The following MIGA2 variants were observed in gnomAD, a reference collection of about 807,000 sequenced individuals.
The protein encoded by MIGA2 is family with sequence similarity 73, member B.
Under a neutral mutation model 69.9 loss-of-function variants are expected in MIGA2, and 36 were observed. That is an observed-to-expected ratio of 0.52 (90% confidence interval 0.39 to 0.68). The LOEUF (loss-of-function observed/expected upper bound fraction) is 0.68. MIGA2 is among the 30% of genes least tolerant of loss of function. The pLI is 0.00. For missense variants in MIGA2, 660 were observed against 787.7 expected (o/e 0.84, Z 1.94); for synonymous variants, 333 against 349.2 (o/e 0.95, Z 0.52).
chr9:129,041,985 C>A, intron 2 of MIGA2: 1 of 313,258 alleles, frequency 3.2e-6, no homozygotes, highest in Non-Finnish European at 6.2e-6. Flanking sequence ...ATGGGTACCC[C>A]AGGCTAGGTC....
At chr9:129,063,759 A>G in intron 11 of MIGA2, 128 bp downstream of exon 11, 1 of 821,554 alleles carries the variant, frequency 1.2e-6, no homozygotes, top group Non-Finnish European at 1.9e-6. Context: ...CGTTCTGTAG[A>G]CTCTGCAACC....
chr9:129,059,026 A>G lies in MIGA2; in HGVS notation c.676-128A>G. ...CCTCTATCGAGCAGTGAAGTTTTGG[A>G]GTTTATGTGCTTAGCTGCTGGGTCC... is the stretch of plus-strand genomic sequence containing the variant. On this transcript the variant is annotated intron_variant, in intron 6 of 15. Coordinates refer to ENST00000684074, the MANE Select transcript of MIGA2 (RefSeq NM_001329990.2). This position sits in a 1 kb window ranked among gnomAD's most constrained non-coding sequence, Gnocchi z 5.6. 1.4e-6 allele frequency: 1 copy of G among 727,718 alleles called. No homozygotes were observed. Among genetic ancestry groups the G allele is most frequent in the Non-Finnish European group, 2.3e-6 (1 of 433,752 alleles). 45.1% of individuals were successfully genotyped at this position (727,718 alleles called of 1,614,324 possible). A position where few individuals can be genotyped will look rare whatever the true frequency, so the allele number is the denominator to read the frequency against.
chr9:129,042,470 C>G lies in MIGA2; in HGVS notation c.263C>G (p.Pro88Arg). Residue 88 changes from proline (P) to arginine (R), a missense_variant, in exon 3 of 16, where the codon CCC (proline) becomes CGC (arginine). Physicochemically the swap from Pro to Arg is moderately radical, Grantham distance 103 (BLOSUM62 -2). Around this residue, in one of 3 missense-constraint regions of MIGA2, gnomAD observed 386 missense variants for 402.0 expected, o/e 0.96. Transcript: ENST00000684074. ...EMGGEQLGTV[P>R]LPILLARKVP... ...GGAGGGGAGCAGCTGGGCACGGTGC[C>G]CCTCCCTATCCTCTTGGCCAGGAAG... 2 of 1,601,292 alleles carry G rather than the reference C, an allele frequency of 1.2e-6. No homozygotes were observed. The highest frequency in any genetic ancestry group is 1.7e-6 in the Non-Finnish European group (2 of 1,174,670).
chr9:129,042,650 C>T (rs1250618962), intron 3 of MIGA2, 136 bp downstream of exon 3: 16 of 897,142 alleles, frequency 1.8e-5, no homozygotes, highest in East Asian at 5.3e-5. Flanking sequence ...GATCTGTGAG[C>T]GGGATGACAG....
intron 6 of MIGA2, among the ~76,000 whole-genome samples, chr9:129,050,364 T>C (rs1845457275): frequency 6.6e-6 from 1 of 152,198 alleles, no homozygotes; most frequent in Non-Finnish European, 1.5e-5. Flanking sequence ...AACCTTCACC[T>C]GCCAGGTTCA....
At chr9:129,043,622 A>G (rs1047228993) in intron 3 of MIGA2, among the ~76,000 whole-genome samples, 1 of 151,552 alleles carries the variant, frequency 6.6e-6, no homozygotes, top group Non-Finnish European at 1.5e-5. Context: ...CCTGAGCTCA[A>G]GTGATCCGCC....
rs372928477 is a variant in MIGA2, at chr9:129,063,227, G to T, written c.1011-17G>T. On this transcript the variant is annotated splice_polypyrimidine_tract_variant and intron_variant, in intron 9 of 15. Coordinates refer to ENST00000684074, the MANE Select transcript of MIGA2 (RefSeq NM_001329990.2). ...GGCAGGGACCAGGTTGTGTGACGCC[G>T]TCTGTCCTCCCCTCAGGACGGAGCT... The T allele has an allele frequency of 6.2e-7, 1 of 1,613,780 alleles. No individual in the cohort carries two copies. The highest frequency in any genetic ancestry group is 8.5e-7 in the Non-Finnish European group (1 of 1,179,884).
intron 9 of MIGA2, 71 bp from the exon 10 acceptor site, chr9:129,063,173 G>T: frequency 6.5e-7 from 1 of 1,536,520 alleles, no homozygotes; most frequent in Non-Finnish European, 9.0e-7. Flanking sequence ...CCCCACCCAG[G>T]TGCCACCTGA....
chr9:129,065,369 A>G (rs1846289235), intron 11 of MIGA2, among the ~76,000 whole-genome samples: 1 of 151,422 alleles, frequency 6.6e-6, no homozygotes, highest in East Asian at 1.9e-4. Context: ...TTTTTGAGAC[A>G]GAGACTTGCC....
At chr9:129,063,520 C>G in intron 10 of MIGA2, 25 bp from the exon 11 acceptor site, 1 of 1,612,944 alleles carries the variant, frequency 6.2e-7, no homozygotes, top group Non-Finnish European at 8.5e-7. Flanking sequence ...CGGCAGCTCA[C>G]TCCCCTCCCT....
In MIGA2 at chr9:129,071,219, A is replaced by T. The variant is rs1460954179; in HGVS notation, c.*766A>T. On this transcript the variant is annotated 3_prime_UTR_variant, in exon 16 of 16. Coordinates refer to ENST00000684074, the MANE Select transcript of MIGA2 (RefSeq NM_001329990.2). ...GCTAGGCTCTGAGCTGGGGGCTCAG[A>T]CCAGGGATCGCTCAGGCCCCTGTCA... 6.6e-6 allele frequency: 1 copy of T among 152,322 alleles called. No homozygotes were observed. The highest frequency in any genetic ancestry group is 1.5e-5 in the Non-Finnish European group (1 of 68,128). 9.4% of individuals were successfully genotyped at this position (152,322 alleles called of 1,614,324 possible).
Position 129,061,373 on chromosome 9 carries a change from AGG to A in MIGA2, c.1010+29_1010+30del. 1 of 557,110 alleles carries A rather than the reference AGG, an allele frequency of 1.8e-6. No individual in the cohort carries two copies. Among genetic ancestry groups the A allele is most frequent in the Non-Finnish European group, 3.5e-6 (1 of 284,930 alleles). 34.5% of individuals were successfully genotyped at this position (557,110 alleles called of 1,614,324 possible). A position where few individuals can be genotyped will look rare whatever the true frequency, so the allele number is the denominator to read the frequency against. On this transcript the variant is annotated intron_variant, in intron 9 of 15. Transcript: ENST00000684074. The surrounding 1 kb of genome is among the most constrained non-coding windows in gnomAD (Gnocchi z 5.0). ...TGAGCAGGTGTGGAGGGAGGGAGGGAGGGAGCAGGAGGCGATGGGTGATTCTG... is the reference window on the plus strand; with the variant it reads ...TGAGCAGGTGTGGAGGGAGGGAGGGAGAGCAGGAGGCGATGGGTGATTCTG...
Position 129,071,532 on chromosome 9 carries a change from C to A in MIGA2, c.*1079C>A, listed in dbSNP as rs1441851114. On this transcript the variant is annotated 3_prime_UTR_variant, in exon 16 of 16. Transcript: ENST00000684074. ...GCGTTCTGCTGTGGCTCTGCCCTTT[C>A]CAGGTTGAGAGGCCTGCAGGAGAAA... 6.6e-6 allele frequency: 1 copy of A among 152,210 alleles called. No homozygotes were observed. The highest frequency in any genetic ancestry group is 1.5e-5 in the Non-Finnish European group (1 of 68,068). The allele number at this position is 152,210 out of a possible 1,614,324, so 9.4% of individuals were successfully genotyped here. A position where few individuals can be genotyped will look rare whatever the true frequency, so the allele number is the denominator to read the frequency against.
intron 6 of MIGA2, chr9:129,051,280 A>ATT (rs200508456): frequency 4.0e-5 from 7 of 174,764 alleles, no homozygotes; most frequent in African/African-American, 8.1e-5. Flanking sequence ...TTATTTATTT[A>ATT]TTTATTTTTT....
At position 129,070,471 on chromosome 9, in the gene MIGA2, G is replaced by A. The variant is rs1343667207; in HGVS notation, c.*18G>A. The A allele has an allele frequency of 4.6e-6, 7 of 1,516,782 alleles. No homozygotes were observed. Among genetic ancestry groups the A allele is most frequent in the Non-Finnish European group, 6.2e-6 (7 of 1,130,400 alleles). The allele number at this position is 1,516,782 out of a possible 1,614,324, so 94.0% of individuals were successfully genotyped here. ...TGCAGTAGAGGCGGCACGGGCTGGG[G>A]GGTGGCAGAGAGAAGGCTCCTCCTC... On this transcript the variant is annotated 3_prime_UTR_variant, in exon 16 of 16. Coordinates refer to ENST00000684074, the MANE Select transcript of MIGA2 (RefSeq NM_001329990.2).
At chr9:129,042,538 G>T in intron 3 of MIGA2, 24 bp downstream of exon 3, 1 of 1,541,732 alleles carries the variant, frequency 6.5e-7, no homozygotes. Flanking sequence ...GGTGGGCATA[G>T]GCCTGACCTG....
intron 1 of MIGA2, among the ~76,000 whole-genome samples, chr9:129,037,565 G>A (rs543794951): frequency 2.0e-4 from 30 of 152,246 alleles, no homozygotes; most frequent in African/African-American, 7.2e-4. Flanking sequence ...TGGGTTGACT[G>A]GATTTGGATC....
At chr9:129,038,789 CTTTTTTTTTTTT>C (rs869238538) in intron 1 of MIGA2, among the ~76,000 whole-genome samples, 1 of 89,040 alleles carries the variant, frequency 1.1e-5, no homozygotes, top group South Asian at 4.2e-4. Flanking sequence ...TTTTGTTTGT[CTTTTTTTTTTTT>C]TTTTTTTTTT....
rs568830711 is a variant in MIGA2 at position 129,059,547 on chromosome 9, G to C, written c.793+276G>C. Among the ~76,000 whole-genome samples the C allele has an allele frequency of 1.2e-4, 18 of 152,272 alleles. No individual in the cohort carries two copies. The South Asian group carries it at 3.3e-3, about 28-fold the overall frequency. On this transcript the variant is annotated intron_variant, in intron 7 of 15. Coordinates refer to ENST00000684074, the MANE Select transcript of MIGA2 (RefSeq NM_001329990.2). This position sits in a 1 kb window ranked among gnomAD's most constrained non-coding sequence, Gnocchi z 5.6. ...CCTCTTGGGTGCAGCCTTGGGGTTC[G>C]TGTGGCAGCATCTCCCTGATGGCTC...
Sources: gnomAD v4.1 joint callset for allele counts (sites outside exome capture counted in the v4.1 genomes callset) on GRCh38, gnomAD v4.1.1 for gene constraint, gnomAD v4.1.1 regional missense constraint, Gnocchi (gnomAD v3.1) non-coding constraint, MANE v1.5 for transcripts, NCBI Gene and HGNC (gene_info 2026-07-23, HGNC 2026-07-21) for gene names.